RAB22A: variants seen among roughly 807,000 people sequenced by gnomAD.
RAB22A encodes the protein ras-related protein Rab-22A.
A neutral mutation model predicts 30.2 loss-of-function variants in RAB22A; 13 were observed. That is an observed-to-expected ratio of 0.43 (90% CI 0.28 to 0.68). The LOEUF (loss-of-function observed/expected upper bound fraction) is 0.68. RAB22A is among the 30% of genes least tolerant of loss of function. The pLI, the probability that RAB22A is intolerant of heterozygous loss-of-function variation, is 0.18. For missense variants in RAB22A, 177 were observed against 246.8 expected, an observed-to-expected ratio of 0.72 and a Z score of 1.89; for synonymous variants, 89 against 87.2, an observed-to-expected ratio of 1.02 and a Z score of -0.11.
chr20:58,333,096 A>G (rs902521071), intron 2 of RAB22A, among the ~76,000 whole-genome samples: 5 of 151,956 alleles, frequency 3.3e-5, no homozygotes, highest in East Asian at 1.9e-4. Context: ...CCTGGCCAAT[A>G]TGGTAAAACC....
chr20:58,329,913 A>G (rs1333307193), intron 2 of RAB22A, among the ~76,000 whole-genome samples: 2 of 152,214 alleles, frequency 1.3e-5, no homozygotes, highest in East Asian at 1.9e-4. Flanking sequence ...TTTCACATCC[A>G]GGGGTTCCAC....
chr20:58,343,663 G>T (rs1568871018), intron 2 of RAB22A, 55 bp from the exon 3 acceptor site: 1 of 1,397,384 alleles, frequency 7.2e-7, no homozygotes, highest in South Asian at 1.2e-5. Context: ...TCCGACTGGG[G>T]CTGGAAACGT....
intron 2 of RAB22A, among the ~76,000 whole-genome samples, chr20:58,327,695 A>G (rs1600728338): frequency 2.0e-5 from 3 of 152,310 alleles, no homozygotes; most frequent in African/African-American, 7.2e-5. Flanking sequence ...AAGTAAGAGT[A>G]TCCAAAAAAA....
intron 6 of RAB22A, among the ~76,000 whole-genome samples, 155 bp downstream of exon 6, chr20:58,354,420 T>A (rs1174074429): frequency 6.6e-6 from 1 of 152,168 alleles, no homozygotes; most frequent in East Asian, 1.9e-4. Context: ...AATGTCCAGT[T>A]TTCATATCAT....
chr20:58,342,618 A>G (rs2122958516), intron 2 of RAB22A, among the ~76,000 whole-genome samples: 1 of 151,132 alleles, frequency 6.6e-6, no homozygotes, highest in African/African-American at 2.4e-5. Context: ...TTTGGGTACA[A>G]CTTGGCCAAA....
intron 2 of RAB22A, among the ~76,000 whole-genome samples, chr20:58,311,888 T>C (rs1379993404): frequency 6.6e-6 from 1 of 152,232 alleles, no homozygotes; most frequent in Non-Finnish European, 1.5e-5. Flanking sequence ...AGAAATATTT[T>C]ACAGCCCAGG....
At chr20:58,344,636 T>A (rs1986913590) in intron 3 of RAB22A, among the ~76,000 whole-genome samples, 1 of 152,234 alleles carries the variant, frequency 6.6e-6, no homozygotes, top group African/African-American at 2.4e-5. Flanking sequence ...ATCTGATAGA[T>A]GCATGGTGCT....
chr20:58,326,786 G>A (rs2122938073), intron 2 of RAB22A, among the ~76,000 whole-genome samples: 1 of 152,254 alleles, frequency 6.6e-6, no homozygotes, highest in South Asian at 2.1e-4. Flanking sequence ...GAAAATAAAG[G>A]CTGACTTCTT....
intron 2 of RAB22A, among the ~76,000 whole-genome samples, chr20:58,341,412 G>A (rs755558530): frequency 2.2e-4 from 34 of 152,248 alleles, no homozygotes; most frequent in Non-Finnish European, 4.3e-4. Flanking sequence ...AGGTGGAGAG[G>A]CTGTTGGGGC....
At position 58,366,381 on chromosome 20, in the gene RAB22A, T is replaced by G. The variant is rs1158873964; in HGVS notation, c.*6678T>G. ...TAGTGGGCACAGAAATACAGTTAGA[T>G]AGAAGGAATAGTTCCAGCATTCGAT... is the stretch of plus-strand genomic sequence containing the variant. On this transcript the variant is annotated 3_prime_UTR_variant, in exon 7 of 7. Transcript: ENST00000244040. 2 of 152,170 alleles carry G rather than the reference T, an allele frequency of 1.3e-5. No homozygotes were observed. Among genetic ancestry groups the G allele is most frequent in the Admixed American group, 1.3e-4 (2 of 15,278 alleles). 9.4% of individuals were successfully genotyped at this position (152,170 alleles called of 1,614,324 possible).
chr20:58,320,894 A>G (rs1427705795), intron 2 of RAB22A, among the ~76,000 whole-genome samples: 1 of 152,010 alleles, frequency 6.6e-6, no homozygotes, highest in Non-Finnish European at 1.5e-5. Context: ...TGTCTCTGCT[A>G]AAAAATACAA....
At chr20:58,332,325 G>GT (rs1410028255) in intron 2 of RAB22A, among the ~76,000 whole-genome samples, 1 of 152,192 alleles carries the variant, frequency 6.6e-6, no homozygotes, top group African/African-American at 2.4e-5. Context: ...GATGGGAACA[G>GT]TTGGGCTCTT....
At chr20:58,323,870 A>T (rs142369337) in intron 2 of RAB22A, among the ~76,000 whole-genome samples, 1 of 152,076 alleles carries the variant, frequency 6.6e-6, no homozygotes, top group African/African-American at 2.4e-5. Context: ...GGCTAATCAC[A>T]TAATTATACT....
At chr20:58,338,505 G>A (rs375275553) in intron 2 of RAB22A, among the ~76,000 whole-genome samples, 1 of 152,166 alleles carries the variant, frequency 6.6e-6, no homozygotes, top group Non-Finnish European at 1.5e-5. Context: ...TTACTATGCA[G>A]AGTTAATCCT....
At chr20:58,316,297 A>G (rs2052516335) in intron 2 of RAB22A, among the ~76,000 whole-genome samples, 1 of 152,098 alleles carries the variant, frequency 6.6e-6, no homozygotes, top group Admixed American at 6.6e-5. Context: ...TCTTACCTCC[A>G]GGGACACTTT....
chr20:58,309,867 C>T lies in RAB22A; in HGVS notation c.-110C>T, dbSNP rs1280678850. The T allele has an allele frequency of 2.7e-6, 3 of 1,102,434 alleles. No homozygotes were observed. The highest frequency in any genetic ancestry group is 9.3e-5 in the South Asian group (2 of 21,460). 68.3% of individuals were successfully genotyped at this position (1,102,434 alleles called of 1,614,324 possible). A position where few individuals can be genotyped will look rare whatever the true frequency, so the allele number is the denominator to read the frequency against. On this transcript the variant is annotated 5_prime_UTR_variant, in exon 1 of 7. Coordinates refer to ENST00000244040, the MANE Select transcript of RAB22A (RefSeq NM_020673.3). ...GGGCGGCAGCCGCCTCTGCGCGGAC[C>T]GGGGCTGGGCCGTGCGGCGGCAGCG...
chr20:58,315,960 C>T (rs1039419683), intron 2 of RAB22A, among the ~76,000 whole-genome samples: 2 of 152,170 alleles, frequency 1.3e-5, no homozygotes, highest in Non-Finnish European at 2.9e-5. Context: ...GGCCCAGCCT[C>T]ATCTCTCCTG....
intron 4 of RAB22A, 33 bp from the exon 5 acceptor site, chr20:58,353,399 A>G: frequency 6.2e-7 from 1 of 1,608,384 alleles, no homozygotes; most frequent in Non-Finnish European, 8.5e-7. Flanking sequence ...GGTTGCTTAG[A>G]TCTCCAGTTG....
chr20:58,329,398 A>G (rs506435), intron 2 of RAB22A, among the ~76,000 whole-genome samples: 1 of 152,112 alleles, frequency 6.6e-6, no homozygotes, highest in East Asian at 1.9e-4. Context: ...TAGATTTCAG[A>G]TGTTTTTTCT....
Sources: allele counts gnomAD v4.1 joint callset (sites outside exome capture counted in the v4.1 genomes callset), GRCh38; gene constraint gnomAD v4.1.1; transcripts MANE v1.5; gene names NCBI Gene and HGNC (gene_info 2026-07-23, HGNC 2026-07-21).